The following NCAPH2 variants were observed in gnomAD, a reference collection of about 807,000 sequenced individuals.
NCAPH2 encodes condensin-2 complex subunit H2.
Under a neutral mutation model 88.6 loss-of-function variants are expected in NCAPH2, and 56 were observed. The observed-to-expected ratio is 0.63, with a 90% CI of 0.51 to 0.79. The LOEUF is 0.79. Among genes scored for constraint, NCAPH2 ranks in the 30% least tolerant of loss-of-function variants. The probability of loss-of-function intolerance (pLI) is 0.00; values close to 1 mark genes in which losing one functional copy is unlikely to be tolerated. For synonymous variants in NCAPH2, 378 were observed against 313.6 expected, an observed-to-expected ratio of 1.21 and a Z score of -2.17; for missense variants, 794 against 792.0, an observed-to-expected ratio of 1.00 and a Z score of -0.03.
chr22:50,514,154 A>C (rs2068857027), intron 1 of NCAPH2, among the ~76,000 whole-genome samples: 1 of 152,194 alleles, frequency 6.6e-6, no homozygotes, highest in South Asian at 2.1e-4. Flanking sequence ...TTGGGACCAT[A>C]GAGCAGAGGA....
At chr22:50,515,648 G>C in intron 1 of NCAPH2, 10 of 1,153,524 alleles carry the variant, frequency 8.7e-6, no homozygotes, top group South Asian at 1.4e-5. Context: ...TGCCCGCCTC[G>C]GCCTCCCAAA....
rs780923571 is a variant in NCAPH2, at chr22:50,522,669, A to G, written c.1376-2A>G. 10 of 1,613,548 alleles carry G rather than the reference A, an allele frequency of 6.2e-6. No homozygotes were observed. Among genetic ancestry groups the G allele is most frequent in the Non-Finnish European group, 8.5e-6 (10 of 1,179,972 alleles). On this transcript the variant is annotated splice_acceptor_variant, in intron 16 of 19. Coordinates refer to ENST00000420993, the MANE Select transcript of NCAPH2 (RefSeq NM_152299.4). LOFTEE classifies it high-confidence loss of function. ...GCCCAGCTCACAGCTACCCCTTCCCAGACGCAGTGCCGATGTCCCTGAGCT... is the reference window on the plus strand; with the variant it reads ...GCCCAGCTCACAGCTACCCCTTCCCGGACGCAGTGCCGATGTCCCTGAGCT...
At chr22:50,509,010 G>C (rs2068710299) in intron 1 of NCAPH2, among the ~76,000 whole-genome samples, 1 of 152,152 alleles carries the variant, frequency 6.6e-6, no homozygotes, top group African/African-American at 2.4e-5. Flanking sequence ...TTCTTGTCTT[G>C]ATCAGCAGTG....
Position 50,521,531 on chromosome 22 carries a change from C to A in NCAPH2, c.934-12C>A. On this transcript the variant is annotated splice_polypyrimidine_tract_variant and intron_variant, in intron 10 of 19. Coordinates refer to ENST00000420993, the MANE Select transcript of NCAPH2 (RefSeq NM_152299.4). ...CCTACTTCTCCAGCGCCTTCTTGTG[C>A]TCTGTGCCCAGGAGACTCCAGACCC... 1 of 1,613,426 alleles carries A rather than the reference C, an allele frequency of 6.2e-7. No homozygotes were observed. The highest frequency in any genetic ancestry group is 1.1e-5 in the South Asian group (1 of 91,090).
At position 50,520,969 on chromosome 22, in the gene NCAPH2, C is replaced by T; in HGVS notation, c.866C>T (p.Ala289Val). The stretch of plus-strand genomic sequence containing the variant: ...ACCCTGTGACTGTCTTTGCAGAGTG[C>T]TGCCCTGCCCAGGAGGTACATGCTG... ...PKESRSPQQSAALPRRYMLRE... is the reference protein window; with the variant it reads ...PKESRSPQQSVALPRRYMLRE... Residue 289 changes from alanine to valine, a missense_variant, in exon 10 of 20, where the codon GCT (alanine) becomes GTT (valine). Coordinates refer to ENST00000420993, the MANE Select transcript of NCAPH2 (RefSeq NM_152299.4). The T allele has an allele frequency of 6.4e-7, 1 of 1,550,976 alleles. No individual in the cohort carries two copies.
chr22:50,518,236 A>G lies in NCAPH2; in HGVS notation c.604A>G (p.Met202Val). 1.9e-6 allele frequency: 3 copies of G among 1,613,848 alleles called. No homozygotes were observed. The highest frequency in any genetic ancestry group is 1.1e-5 in the South Asian group (1 of 91,076). The change falls in exon 7 of 20, where the codon ATG (methionine) becomes GTG (valine). Residue 202 changes from methionine to valine, a missense_variant. Physicochemically the swap from Met to Val is conservative, Grantham distance 21 (BLOSUM62 1). Coordinates refer to ENST00000420993, the MANE Select transcript of NCAPH2 (RefSeq NM_152299.4). ...FMLEPEGMSP[M>V]EPAGVSPMPG... ...GTTGGAGCCAGAGGGCATGTCCCCCATGGAACCAGCGGGCGTTTCCCCCAT... is the reference window on the plus strand; with the variant it reads ...GTTGGAGCCAGAGGGCATGTCCCCCGTGGAACCAGCGGGCGTTTCCCCCAT...
intron 1 of NCAPH2, among the ~76,000 whole-genome samples, chr22:50,513,813 A>G (rs1027979980): frequency 6.6e-6 from 1 of 152,130 alleles, no homozygotes; most frequent in Admixed American, 6.6e-5. Context: ...CCAGAAACTT[A>G]TAAGGGATTT....
chr22:50,516,388 G>C (rs1255715667), intron 1 of NCAPH2, 59 bp from the exon 2 acceptor site: 19 of 1,548,504 alleles, frequency 1.2e-5, no homozygotes, highest in African/African-American at 2.7e-5. Flanking sequence ...GGCTGCCCTG[G>C]AAGAAGCGAG....
At position 50,524,206 on chromosome 22, in the gene NCAPH2, G is replaced by A. The variant is rs761176985; in HGVS notation, c.*831G>A. The stretch of plus-strand genomic sequence containing the variant: ...GGCCAGCCAGGCCCCACCGAGTCCA[G>A]CCCCGAACAGGCCTGTGATCAGCAG... On this transcript the variant is annotated 3_prime_UTR_variant, in exon 20 of 20. Transcript: ENST00000420993. The A allele has an allele frequency of 6.2e-7, 1 of 1,608,352 alleles. No homozygotes were observed. The highest frequency in any genetic ancestry group is 2.2e-5 in the East Asian group (1 of 44,868).
At chr22:50,518,304 G>T (rs747919278) in intron 7 of NCAPH2, 26 bp downstream of exon 7, 59 of 1,606,720 alleles carry the variant, frequency 3.7e-5, no homozygotes, top group Non-Finnish European at 4.8e-5. Flanking sequence ...CGGGGGGCTT[G>T]GTGGGAAGGA....
chr22:50,511,537 C>T (rs1399453366), intron 1 of NCAPH2, among the ~76,000 whole-genome samples: 3 of 143,582 alleles, frequency 2.1e-5, no homozygotes, highest in Non-Finnish European at 4.4e-5. Context: ...ATGATCCACC[C>T]GCCTCGGCCT....
rs1362222702 is a variant in NCAPH2 at position 50,523,882 on chromosome 22, A to G, written c.*507A>G. 5 of 1,613,910 alleles carry G rather than the reference A, an allele frequency of 3.1e-6. No homozygotes were observed. The highest frequency in any genetic ancestry group is 4.2e-6 in the Non-Finnish European group (5 of 1,180,018). ...GTGGAAGTCCTGGACGTAGCGGGCC[A>G]TGGCTTCAACGTCGTCCCGCTCGGG... On this transcript the variant is annotated 3_prime_UTR_variant, in exon 20 of 20. Transcript: ENST00000420993.
In NCAPH2 at chr22:50,521,991, G is replaced by A. The variant is rs2069115545; in HGVS notation, c.1114G>A (p.Asp372Asn). 6.2e-7 allele frequency: 1 copy of A among 1,613,894 alleles called. No homozygotes were observed. Among genetic ancestry groups the A allele is most frequent in the African/African-American group, 1.3e-5 (1 of 74,946 alleles). Reference protein sequence around the residue: ...FHQWYLAAYADHADSRRLRRK... With the variant: ...FHQWYLAAYANHADSRRLRRK... ...CTGAGCATGTTCTTTCACAGATGCA[G>A]ACCATGCCGACAGCAGGCGGCTTCG... The change falls in exon 13 of 20, where the codon GAC becomes AAC. Residue 372 changes from aspartate to asparagine, a missense_variant. Asp to Asn is a conservative substitution (Grantham distance 23). Transcript: ENST00000420993.
At chr22:50,508,776 T>C (rs901271024) in intron 1 of NCAPH2, among the ~76,000 whole-genome samples, 2 of 152,248 alleles carry the variant, frequency 1.3e-5, no homozygotes, top group African/African-American at 4.8e-5. Flanking sequence ...ATTGCGAGCA[T>C]GCTTGTGTGT....
At chr22:50,516,147 A>G (rs113911568) in intron 1 of NCAPH2, among the ~76,000 whole-genome samples, 65 of 152,080 alleles carry the variant, frequency 4.3e-4, no homozygotes, top group African/African-American at 1.5e-3. Context: ...TTCCTGCTGG[A>G]GTCTGTCAGC....
intron 1 of NCAPH2, among the ~76,000 whole-genome samples, chr22:50,512,557 G>GTT (rs1352349370): frequency 4.8e-5 from 5 of 103,378 alleles, no homozygotes; most frequent in African/African-American, 6.2e-5. Flanking sequence ...TTTTTTTTTT[G>GTT]TTTTTTTTTT....
At chr22:50,518,097 A>G (rs780474832) in intron 6 of NCAPH2, 36 bp from the exon 7 acceptor site, 6 of 1,613,446 alleles carry the variant, frequency 3.7e-6, no homozygotes, top group East Asian at 2.2e-5. Context: ...CTGCCTGGGA[A>G]GGGTCTCTAC....
chr22:50,517,588 A>G lies in NCAPH2; in HGVS notation c.278A>G (p.Gln93Arg), dbSNP rs368611781. ...DFISGKRRAK[Q>R]LSSVQEDRAN... ...TGCTTCTCTCTCAGGCGGGCCAAGC[A>G]GCTCTCTTCGGTGCAGGAGGACAGG... The change falls in exon 4 of 20, where the codon CAG (glutamine) becomes CGG (arginine). Residue 93 changes from glutamine (Q) to arginine (R), a missense_variant. Physicochemically the swap from Gln to Arg is conservative, Grantham distance 43 (BLOSUM62 1). Around this residue, in one of 2 missense-constraint regions of NCAPH2, gnomAD observed 735 missense variants for 696.3 expected, o/e 1.06. Transcript: ENST00000420993. 4 of 1,613,968 alleles carry G rather than the reference A, an allele frequency of 2.5e-6. No individual in the cohort carries two copies. In the African/African-American group the frequency reaches 4.0e-5, roughly 16 times the overall value.
At chr22:50,517,384 GC>G (rs1486332026) in intron 2 of NCAPH2, 42 bp from the exon 3 acceptor site, 62 of 1,606,868 alleles carry the variant, frequency 3.9e-5, no homozygotes, top group Non-Finnish European at 5.0e-5. Context: ...TTGGGGGTGG[GC>G]CCCTCCTTTC....
Sources: gnomAD v4.1 joint callset for allele counts (sites outside exome capture counted in the v4.1 genomes callset) on GRCh38, gnomAD v4.1.1 for gene constraint, gnomAD v4.1.1 regional missense constraint, MANE v1.5 for transcripts, NCBI Gene and HGNC (gene_info 2026-07-23, HGNC 2026-07-21) for gene names.